The following NANS variants were observed in gnomAD, a reference collection of about 807,000 sequenced individuals.
NANS encodes N-acetylneuraminate synthase.
Under a neutral mutation model 33.3 loss-of-function variants are expected in NANS, and 29 were observed. That is an observed-to-expected ratio of 0.87 (90% CI 0.65 to 1.19). The LOEUF (loss-of-function observed/expected upper bound fraction) is 1.19. NANS is among the 50% of genes most tolerant of loss of function. The probability of loss-of-function intolerance (pLI) is 0.00; values close to 1 mark genes in which losing one functional copy is unlikely to be tolerated. For synonymous variants in NANS, 163 were observed against 177.2 expected, an observed-to-expected ratio of 0.92 and a Z score of 0.64; for missense variants, 394 against 461.1, an observed-to-expected ratio of 0.85 and a Z score of 1.33.
intron 1 of NANS, among the ~76,000 whole-genome samples, chr9:98,059,848 G>A (rs1374890328): frequency 1.3e-5 from 2 of 151,950 alleles, no homozygotes; most frequent in African/African-American, 4.8e-5. Flanking sequence ...CATGTAACCT[G>A]TTCAAAGAAA....
intron 1 of NANS, among the ~76,000 whole-genome samples, chr9:98,058,438 G>T (rs1193050132): frequency 6.6e-6 from 1 of 152,178 alleles, no homozygotes; most frequent in Non-Finnish European, 1.5e-5. Flanking sequence ...CTTAGGCAAG[G>T]TCACATAGCT....
chr9:98,078,252 C>T lies in NANS; in HGVS notation c.508C>T (p.Gln170Ter), dbSNP rs565435586. The change falls in exon 4 of 6, where the codon CAG becomes TAG. Residue 170 changes from glutamine to a stop codon, truncating the protein, a stop_gained. Coordinates refer to ENST00000210444, the MANE Select transcript of NANS (RefSeq NM_018946.4). LOFTEE classifies it high-confidence loss of function. Reference sequence around the variant, plus strand: ...AATGGACACCATGAAGCAAGTTTATCAGATCGTGAAGCCCCTCAACCCCAA... The same window carrying T: ...AATGGACACCATGAAGCAAGTTTATTAGATCGTGAAGCCCCTCAACCCCAA... ...QSMDTMKQVY[Q>*]IVKPLNPNFC... The T allele has an allele frequency of 6.2e-7, 1 of 1,614,126 alleles. No individual in the cohort carries two copies. The highest frequency in any genetic ancestry group is 8.5e-7 in the Non-Finnish European group (1 of 1,180,024).
chr9:98,064,214 AC>A (rs1200045666), intron 2 of NANS, among the ~76,000 whole-genome samples: 1 of 152,138 alleles, frequency 6.6e-6, no homozygotes, highest in African/African-American at 2.4e-5. Flanking sequence ...CGTACGCATG[AC>A]ATTCTTCAAA....
chr9:98,079,923 C>T (rs1324679806), intron 4 of NANS, among the ~76,000 whole-genome samples: 1 of 152,180 alleles, frequency 6.6e-6, no homozygotes, highest in South Asian at 2.1e-4. Context: ...TTTGTTAAAT[C>T]CCACCTGAGG....
At chr9:98,071,574 A>AC (rs1200270445) in intron 2 of NANS, among the ~76,000 whole-genome samples, 4 of 152,228 alleles carry the variant, frequency 2.6e-5, no homozygotes, top group Non-Finnish European at 5.9e-5. Flanking sequence ...AAGGAAAGCA[A>AC]CCTGGGCTAA....
chr9:98,056,734 A>C lies in NANS; in HGVS notation c.-75A>C. The C allele has an allele frequency of 6.5e-7, 1 of 1,546,556 alleles. No individual in the cohort carries two copies. Among genetic ancestry groups the C allele is most frequent in the Non-Finnish European group, 8.7e-7 (1 of 1,151,060 alleles). On this transcript the variant is annotated 5_prime_UTR_variant, in exon 1 of 6. Transcript: ENST00000210444. ...GTGTGGGTCTCGCAGCGTTGCTCAC[A>C]GAACAGAGTAGAGGCGGCGGCGGCG...
rs116657736 is a variant in NANS at position 98,080,295 on chromosome 9, C to T, written c.604-521C>T. Among the ~76,000 whole-genome samples, 651 of 152,364 alleles carry T rather than the reference C, an allele frequency of 4.3e-3. 2 individuals are homozygous for T. Among genetic ancestry groups the T allele is most frequent in the African/African-American group, 0.015 (617 of 41,596 alleles). On this transcript the variant is annotated intron_variant, in intron 4 of 5. Coordinates refer to ENST00000210444, the MANE Select transcript of NANS (RefSeq NM_018946.4). The stretch of plus-strand genomic sequence containing the variant: ...CTGTACTCAGCTTTCTGGTCACCCT[C>T]ACCAACAAGACTCACCCATCTTAGA...
At chr9:98,077,624 A>G (rs1217572952) in intron 3 of NANS, among the ~76,000 whole-genome samples, 2 of 152,200 alleles carry the variant, frequency 1.3e-5, no homozygotes, top group Non-Finnish European at 2.9e-5. Flanking sequence ...AGGCTGAGGT[A>G]GGAGGATTGC....
chr9:98,077,919 T>C (rs1829662664), intron 3 of NANS: 1 of 468,352 alleles, frequency 2.1e-6, no homozygotes, highest in Admixed American at 3.5e-5. Flanking sequence ...AAGATACTCA[T>C]TTTCCTCTTG....
intron 4 of NANS, among the ~76,000 whole-genome samples, chr9:98,079,485 C>T (rs1036227898): frequency 8.5e-5 from 13 of 152,090 alleles, no homozygotes; most frequent in Middle Eastern, 6.8e-3. Context: ...AAAAAGTTAG[C>T]CTTTTTGAAA....
At chr9:98,074,009 C>T (rs1188779721) in intron 2 of NANS, among the ~76,000 whole-genome samples, 1 of 151,724 alleles carries the variant, frequency 6.6e-6, no homozygotes, top group Non-Finnish European at 1.5e-5. Flanking sequence ...TGGTGTCAAA[C>T]TCCTGGGCTA....
At chr9:98,060,380 T>C (rs1227620579) in intron 1 of NANS, among the ~76,000 whole-genome samples, 1 of 152,146 alleles carries the variant, frequency 6.6e-6, no homozygotes, top group East Asian at 1.9e-4. Context: ...TTAAAGATGG[T>C]GATGTCGGCT....
chr9:98,068,262 G>A (rs1829207952), intron 2 of NANS, among the ~76,000 whole-genome samples: 1 of 151,900 alleles, frequency 6.6e-6, no homozygotes, highest in African/African-American at 2.4e-5. Flanking sequence ...AGCCTCCCAG[G>A]TAGCTGGGAT....
intron 2 of NANS, among the ~76,000 whole-genome samples, chr9:98,065,789 C>T (rs188403987): frequency 5.3e-5 from 8 of 152,070 alleles, no homozygotes; most frequent in African/African-American, 1.4e-4. Flanking sequence ...TGGTCTTTCC[C>T]GTGCTATTCT....
chr9:98,059,593 T>C (rs755551152), intron 1 of NANS, among the ~76,000 whole-genome samples: 11 of 152,294 alleles, frequency 7.2e-5, no homozygotes, highest in Non-Finnish European at 1.3e-4. Flanking sequence ...TTTTATATTT[T>C]TTGTAGAGAC....
chr9:98,057,051 C>T (rs1249219249), intron 1 of NANS, 111 bp downstream of exon 1: 54 of 1,352,586 alleles, frequency 4.0e-5, no homozygotes, highest in Non-Finnish European at 5.1e-5. Context: ...GGTCCGGCCT[C>T]TTCCCGCCCG....
At chr9:98,079,345 T>C (rs1378124431) in intron 4 of NANS, among the ~76,000 whole-genome samples, 3 of 152,366 alleles carry the variant, frequency 2.0e-5, no homozygotes, top group Non-Finnish European at 1.5e-5. Context: ...ATTCTATCTA[T>C]CTATCCACAC....
intron 2 of NANS, among the ~76,000 whole-genome samples, chr9:98,067,675 T>C (rs770502152): frequency 5.9e-5 from 9 of 152,214 alleles, no homozygotes; most frequent in Non-Finnish European, 1.0e-4. Context: ...CTTTAGTAGA[T>C]AAATGATTGT....
At chr9:98,076,766 T>A (rs937797621) in intron 2 of NANS, 152 bp from the exon 3 acceptor site, 1 of 624,884 alleles carries the variant, frequency 1.6e-6, no homozygotes, top group Non-Finnish European at 2.8e-6. Context: ...ATGAAATGAC[T>A]GAGAACAAAT....
Sources: allele counts gnomAD v4.1 joint callset (sites outside exome capture counted in the v4.1 genomes callset), GRCh38; gene constraint gnomAD v4.1.1; transcripts MANE v1.5; gene names NCBI Gene and HGNC (gene_info 2026-07-23, HGNC 2026-07-21).